Variants in TMEM268 observed in about 807,000 individuals in gnomAD.
TMEM268 encodes the protein transmembrane protein C9orf91.
Under a neutral mutation model 39.1 loss-of-function variants are expected in TMEM268, and 24 were observed. The observed-to-expected ratio is 0.61, with a 90% CI of 0.44 to 0.86. The LOEUF (loss-of-function observed/expected upper bound fraction) is 0.86, where lower values mean the gene tolerates loss of function less well. Among genes scored for constraint, TMEM268 ranks in the 40% least tolerant of loss-of-function variants. The probability of loss-of-function intolerance (pLI) is 0.00; values close to 1 mark genes in which losing one functional copy is unlikely to be tolerated. For synonymous variants in TMEM268, 176 were observed against 173.5 expected (o/e 1.01, Z -0.12); for missense variants, 409 against 428.6 (o/e 0.95, Z 0.40).
chr9:114,613,433 C>T (rs2133586135), intron 1 of TMEM268, among the ~76,000 whole-genome samples: 1 of 152,326 alleles, frequency 6.6e-6, no homozygotes, highest in South Asian at 2.1e-4. Context: ...GATGTCCCTT[C>T]GTTTCTTGTC....
intron 6 of TMEM268, among the ~76,000 whole-genome samples, chr9:114,634,185 G>T (rs765906501): frequency 6.6e-6 from 1 of 152,184 alleles, no homozygotes; most frequent in African/African-American, 2.4e-5. Context: ...CTGTGCCCTC[G>T]GTTGGACACT....
intron 8 of TMEM268, among the ~76,000 whole-genome samples, chr9:114,641,682 G>C (rs909326655): frequency 1.8e-4 from 28 of 152,082 alleles, no homozygotes; most frequent in African/African-American, 6.5e-4. Context: ...TTTTGCCCAG[G>C]CTGGAGTGCA....
chr9:114,616,421 A>C (rs1845716514), intron 1 of TMEM268, among the ~76,000 whole-genome samples: 1 of 151,998 alleles, frequency 6.6e-6, no homozygotes, highest in Admixed American at 6.6e-5. Flanking sequence ...GCTGGAGTGC[A>C]GTGGTGCAAT....
intron 1 of TMEM268, among the ~76,000 whole-genome samples, chr9:114,616,017 CTTTTTTT>C (rs58289502): frequency 8.2e-6 from 1 of 121,300 alleles, no homozygotes; most frequent in Non-Finnish European, 1.7e-5. Flanking sequence ...TTTTTCTTTT[CTTTTTTT>C]TTTTTTTTTG....
chr9:114,622,568 C>T, intron 2 of TMEM268: 1 of 929,776 alleles, frequency 1.1e-6, no homozygotes, highest in South Asian at 4.9e-5. Context: ...AGACTTTTCT[C>T]TCCAGCTGGT....
chr9:114,639,129 T>C (rs1340445880), intron 8 of TMEM268, among the ~76,000 whole-genome samples: 1 of 152,128 alleles, frequency 6.6e-6, no homozygotes, highest in African/African-American at 2.4e-5. Context: ...GACAGTTGAC[T>C]CTTCTTTGAA....
upstream of TMEM268, among the ~76,000 whole-genome samples, chr9:114,606,744 C>T (rs1382190262): frequency 6.6e-6 from 1 of 151,926 alleles, no homozygotes; most frequent in Non-Finnish European, 1.5e-5. Context: ...GCCTGAATTA[C>T]TAATACTGCA....
chr9:114,623,671 T>C (rs1421194504), intron 2 of TMEM268, among the ~76,000 whole-genome samples: 1 of 152,192 alleles, frequency 6.6e-6, no homozygotes, highest in Admixed American at 6.5e-5. Flanking sequence ...TCATCCATAG[T>C]CAAATCTCCC....
In TMEM268 at chr9:114,643,478, C is replaced by A; in HGVS notation, c.*165C>A. 2 of 621,826 alleles carry A rather than the reference C, an allele frequency of 3.2e-6. No homozygotes were observed. Among genetic ancestry groups the A allele is most frequent in the Admixed American group, 3.0e-5 (1 of 33,808 alleles). The allele number at this position is 621,826 out of a possible 1,614,324, so 38.5% of individuals were successfully genotyped here. A position where few individuals can be genotyped will look rare whatever the true frequency, so the allele number is the denominator to read the frequency against. On this transcript the variant is annotated 3_prime_UTR_variant, in exon 9 of 9. Coordinates refer to ENST00000288502, the MANE Select transcript of TMEM268 (RefSeq NM_153045.4). ...CTGGGGTGTTGTGCTCACTTCAGGG[C>A]CCAGCACAAAAATCCTTGTTTGACA...
At chr9:114,630,927 T>A (rs1282372919) in intron 5 of TMEM268, among the ~76,000 whole-genome samples, 1 of 77,960 alleles carries the variant, frequency 1.3e-5, no homozygotes, top group African/African-American at 4.2e-5. Flanking sequence ...ACTGTTAGCA[T>A]CCTCTCTGTT....
At position 114,635,815 on chromosome 9, in the gene TMEM268, G is replaced by A. The variant is rs1846611149; in HGVS notation, c.586-1175G>A. Among the ~76,000 whole-genome samples the A allele has an allele frequency of 2.6e-5, 4 of 152,218 alleles. 1 individual carries two copies. Among genetic ancestry groups the A allele is most frequent in the Admixed American group, 2.6e-4 (4 of 15,284 alleles). On this transcript the variant is annotated intron_variant, in intron 6 of 8. Coordinates refer to ENST00000288502, the MANE Select transcript of TMEM268 (RefSeq NM_153045.4). ...GGGTGCAGTGGAGGTTGGGGTGTTG[G>A]GGACGGGTACCGAGTGAGGATGGAG...
rs1339216526 is a variant in TMEM268 at position 114,643,180 on chromosome 9, G to T, written c.896G>T (p.Arg299Leu). ...LLAVFGGYYI[R>L]LLVTSQLPQA... ...GCAGTGTTTGGCGGCTACTACATCCGGCTTCTAGTGACCTCCCAGCTCCCT... is the reference window on the plus strand; with the variant it reads ...GCAGTGTTTGGCGGCTACTACATCCTGCTTCTAGTGACCTCCCAGCTCCCT... The change falls in exon 9 of 9, where the codon CGG becomes CTG. Residue 299 changes from arginine (R) to leucine (L), a missense_variant. By Grantham distance (102) the Arg-to-Leu change is moderately radical. Coordinates refer to ENST00000288502, the MANE Select transcript of TMEM268 (RefSeq NM_153045.4). The T allele has an allele frequency of 6.2e-7, 1 of 1,614,108 alleles. No individual in the cohort carries two copies.
chr9:114,625,763 G>T (rs998476298), intron 3 of TMEM268, among the ~76,000 whole-genome samples: 27 of 151,354 alleles, frequency 1.8e-4, no homozygotes. Flanking sequence ...TCTTATGGGT[G>T]AACAGTTTAC....
rs757518784 is a variant in TMEM268, at chr9:114,617,188, G to A, written c.-8G>A. Reference sequence around the variant, plus strand: ...AGAAGGGGAAGTAGAAACAGCTGGCGCCCTGCCATGGCCTGTGAACCACAG... The same window carrying A: ...AGAAGGGGAAGTAGAAACAGCTGGCACCCTGCCATGGCCTGTGAACCACAG... On this transcript the variant is annotated 5_prime_UTR_variant, in exon 2 of 9. Transcript: ENST00000288502. 2.7e-5 allele frequency: 43 copies of A among 1,580,776 alleles called. No individual in the cohort carries two copies. The highest frequency in any genetic ancestry group is 3.4e-5 in the Non-Finnish European group (39 of 1,160,932).
chr9:114,637,925 A>G (rs1846714256), intron 7 of TMEM268, among the ~76,000 whole-genome samples: 1 of 152,222 alleles, frequency 6.6e-6, no homozygotes, highest in South Asian at 2.1e-4. Context: ...TTGGCTCATT[A>G]GTTCCTGTGT....
rs1249283418 is a variant in TMEM268, at chr9:114,645,340, C to T, written c.*2027C>T. ...GTGTGACCTTGGCTAAGTCACTTAACCTTTCTGATTGTCATTTCGCTTTTT... is the reference window on the plus strand; with the variant it reads ...GTGTGACCTTGGCTAAGTCACTTAATCTTTCTGATTGTCATTTCGCTTTTT... On this transcript the variant is annotated 3_prime_UTR_variant, in exon 9 of 9. Transcript: ENST00000288502. 6.6e-6 allele frequency: 1 copy of T among 152,338 alleles called. No individual in the cohort carries two copies. The highest frequency in any genetic ancestry group is 1.5e-5 in the Non-Finnish European group (1 of 68,042). 9.4% of individuals were successfully genotyped at this position (152,338 alleles called of 1,614,324 possible).
chr9:114,612,690 C>T (rs149829848), intron 1 of TMEM268, among the ~76,000 whole-genome samples: 52 of 152,330 alleles, frequency 3.4e-4, no homozygotes, highest in African/African-American at 1.3e-3. Context: ...TCACCTCCAC[C>T]TTTGCCAAGC....
chr9:114,634,377 T>C (rs10982343), intron 6 of TMEM268, among the ~76,000 whole-genome samples: 32,053 of 152,116 alleles, frequency 0.21, 3,640 homozygotes, highest in African/African-American at 0.29. Flanking sequence ...GCTGGGGCTA[T>C]ACCAGAGTGA....
In TMEM268 at chr9:114,636,408, G is replaced by A. The variant is rs190137889; in HGVS notation, c.586-582G>A. On this transcript the variant is annotated intron_variant, in intron 6 of 8. Transcript: ENST00000288502. ...GCCTCAGGTGGACAGGTGATGTCCA[G>A]GAGGGTTCGGAGTCTGTCTGGGATG... is the stretch of plus-strand genomic sequence containing the variant. Among the ~76,000 whole-genome samples, 1,516 of 152,316 alleles carry A rather than the reference G, an allele frequency of 1.0e-2. 32 individuals are homozygous for A. The highest frequency in any genetic ancestry group is 0.011 in the Non-Finnish European group (752 of 68,026).
Sources: gnomAD v4.1 joint callset for allele counts (sites outside exome capture counted in the v4.1 genomes callset) on GRCh38, gnomAD v4.1.1 for gene constraint, MANE v1.5 for transcripts, NCBI Gene and HGNC (gene_info 2026-07-23, HGNC 2026-07-21) for gene names.